Variants in CYP17A1 observed in about 807,000 individuals in gnomAD.
CYP17A1 encodes the protein steroid 17-alpha-hydroxylase/17,20 lyase.
In CYP17A1, 27 loss-of-function variants were observed where a neutral mutation model predicts 38.5. The observed-to-expected ratio is 0.70, with a 90% CI of 0.52 to 0.97. CYP17A1 has a LOEUF of 0.97. Among genes scored for constraint, CYP17A1 ranks in the 50% least tolerant of loss-of-function variants. The pLI, the probability that CYP17A1 is intolerant of heterozygous loss-of-function variation, is 0.00. For synonymous variants in CYP17A1, 263 were observed against 253.3 expected, an observed-to-expected ratio of 1.04 and a Z score of -0.36; for missense variants, 549 against 645.9, an observed-to-expected ratio of 0.85 and a Z score of 1.63.
intron 4 of CYP17A1, 43 bp from the exon 5 acceptor site, chr10:102,833,251 CCAT>C: frequency 5.0e-6 from 8 of 1,613,454 alleles, no homozygotes; most frequent in Non-Finnish European, 6.8e-6. Flanking sequence ...GGAAGGAGCC[CCAT>C]CTGTGACACT....
chr10:102,830,725 C>A lies in CYP17A1; in HGVS notation c.1504G>T (p.Ala502Ser). Residue 502 changes from alanine (A) to serine (S), a missense_variant, in exon 8 of 8, where the codon GCC (alanine) becomes TCC (serine). Ala to Ser is a moderately conservative substitution (Grantham distance 99). This residue lies in a region of CYP17A1 where 257 missense variants were observed against 307.9 expected (regional missense o/e 0.83). Coordinates refer to ENST00000369887, the MANE Select transcript of CYP17A1 (RefSeq NM_000102.4). The surrounding 1 kb of genome is among the most constrained non-coding windows in gnomAD (Gnocchi z 4.1). Reference protein sequence around the residue: ...KIKVRQAWREAQAEGST With the variant: ...KIKVRQAWRESQAEGST ...CTTTAGGTGCTACCCTCAGCCTGGG[C>A]TTCCCTCCAGGCCTGGCGCACCTTG... The A allele has an allele frequency of 6.3e-7, 1 of 1,598,502 alleles. No homozygotes were observed. The highest frequency in any genetic ancestry group is 8.6e-7 in the Non-Finnish European group (1 of 1,168,394).
At chr10:102,834,297 G>T (rs773169710) in intron 3 of CYP17A1, 175 bp from the exon 4 acceptor site, 3 of 635,850 alleles carry the variant, frequency 4.7e-6, no homozygotes, top group Non-Finnish European at 8.7e-6. Context: ...TTATCATGAC[G>T]ACGAAGACAA....
At chr10:102,834,613 A>C in intron 3 of CYP17A1, 172 bp downstream of exon 3, 1 of 834,804 alleles carries the variant, frequency 1.2e-6, no homozygotes, top group Non-Finnish European at 1.9e-6. Flanking sequence ...GGCTAAATCT[A>C]TCTCTGCAGA....
Position 102,835,331 on chromosome 10 carries a change from T to C in CYP17A1, c.359A>G (p.His120Arg). Residue 120 changes from histidine to arginine, a missense_variant, in exon 2 of 8, where the codon CAC becomes CGC. Transcript: ENST00000369887. The part of the protein sequence containing the change: ...KGIAFADSGA[H>R]WQLHRRLAMA... ...CGCCAGCCTTCGATGCAGCTGCCAG[T>C]GTGCGCCAGAGTCAGCGAAGGCGAT... is the stretch of plus-strand genomic sequence containing the variant. 2 of 1,611,450 alleles carry C rather than the reference T, an allele frequency of 1.2e-6. No individual in the cohort carries two copies. Among genetic ancestry groups the C allele is most frequent in the East Asian group, 2.2e-5 (1 of 44,870 alleles).
intron 1 of CYP17A1, chr10:102,836,694 G>C (rs900146387): frequency 3.9e-6 from 1 of 259,222 alleles, no homozygotes; most frequent in Non-Finnish European, 7.5e-6. Context: ...ATGAATCCTG[G>C]CTGTATAAGG....
At chr10:102,832,961 T>G in intron 5 of CYP17A1, 32 bp downstream of exon 5, 1 of 1,610,974 alleles carries the variant, frequency 6.2e-7, no homozygotes, top group Non-Finnish European at 8.5e-7. Context: ...TTGGGCTGGC[T>G]GGGGTCTAGG....
Position 102,835,346 on chromosome 10 carries a change from G to A in CYP17A1, c.344C>T (p.Ala115Val). 2 of 1,611,608 alleles carry A rather than the reference G, an allele frequency of 1.2e-6. No individual in the cohort carries two copies. The highest frequency in any genetic ancestry group is 8.5e-7 in the Non-Finnish European group (1 of 1,177,658). ...ASNNRKGIAF[A>V]DSGAHWQLHR... ...CAGCTGCCAGTGTGCGCCAGAGTCAGCGAAGGCGATACCCTTACGGTTGTT... is the reference window on the plus strand; with the variant it reads ...CAGCTGCCAGTGTGCGCCAGAGTCAACGAAGGCGATACCCTTACGGTTGTT... Residue 115 changes from alanine (A) to valine (V), a missense_variant, in exon 2 of 8, where the codon GCT becomes GTT. Coordinates refer to ENST00000369887, the MANE Select transcript of CYP17A1 (RefSeq NM_000102.4).
intron 1 of CYP17A1, among the ~76,000 whole-genome samples, chr10:102,835,763 C>T (rs192593419): frequency 1.3e-5 from 2 of 152,266 alleles, no homozygotes; most frequent in East Asian, 1.9e-4. Context: ...TATGCCTGTC[C>T]AGAGGGTAGG....
At position 102,834,328 on chromosome 10, in the gene CYP17A1, C is replaced by T. The variant is rs115669737; in HGVS notation, c.667-206G>A. On this transcript the variant is annotated intron_variant, in intron 3 of 7. Transcript: ENST00000369887. ...GACAATTCTAAACAAGGGAGGAGGG[C>T]GTGGTCTCCACCTCTCCTTCCCCAT... 1,103 of 595,886 alleles carry T rather than the reference C, an allele frequency of 1.9e-3. 12 individuals are homozygous for T. The highest frequency in any genetic ancestry group is 0.018 in the African/African-American group (986 of 53,682). The allele number at this position is 595,886 out of a possible 1,614,324, so 36.9% of individuals were successfully genotyped here.
At chr10:102,831,891 G>A (rs1316924584) in intron 6 of CYP17A1, among the ~76,000 whole-genome samples, 1 of 152,128 alleles carries the variant, frequency 6.6e-6, no homozygotes, top group East Asian at 1.9e-4. Context: ...CGCATGTTAT[G>A]TGCGTGCTGC....
intron 3 of CYP17A1, 78 bp from the exon 4 acceptor site, chr10:102,834,200 G>T: frequency 1.3e-6 from 1 of 772,768 alleles, no homozygotes; most frequent in South Asian, 1.4e-5. Context: ...TCCTGGAGGC[G>T]GATCTTAGCT....
At chr10:102,835,136 G>A in intron 2 of CYP17A1, 118 bp downstream of exon 2, 1 of 1,120,676 alleles carries the variant, frequency 8.9e-7, no homozygotes, top group Non-Finnish European at 1.3e-6. Flanking sequence ...GGCAGCAGTA[G>A]CCAAGAAAAG....
In CYP17A1 at chr10:102,834,102, C is replaced by T; in HGVS notation, c.687G>A (p.Leu229=). Residue 229 remains leucine (L), a synonymous_variant, in exon 4 of 8, where the codon CTG becomes CTA. Coordinates refer to ENST00000369887, the MANE Select transcript of CYP17A1 (RefSeq NM_000102.4). ...PWLKIFPNKT[L]EKLKSHVKIR... ...TTTTAACATGGCTCTTTAATTTTTC[C>T]AGGGTTTTGTTGGGGAAAATCTGGG... The T allele has an allele frequency of 7.6e-7, 1 of 1,318,988 alleles. No homozygotes were observed. Among genetic ancestry groups the T allele is most frequent in the Non-Finnish European group, 1.1e-6 (1 of 910,530 alleles). 81.7% of individuals were successfully genotyped at this position (1,318,988 alleles called of 1,614,324 possible). A position where few individuals can be genotyped will look rare whatever the true frequency, so the allele number is the denominator to read the frequency against.
rs529909202 is a variant in CYP17A1, at chr10:102,835,211, T to C, written c.436+43A>G. On this transcript the variant is annotated intron_variant, in intron 2 of 7. Transcript: ENST00000369887. ...ACCCTCCTCTCCCTCCAGCAGCTCC[T>C]GTGGGATCCAGCCCCAGCCCCAGGG... 3.8e-6 allele frequency: 6 copies of C among 1,571,560 alleles called. No homozygotes were observed. The African/African-American group carries it at 8.1e-5, about 21-fold the overall frequency.
Position 102,837,152 on chromosome 10 carries a change from G to C in CYP17A1, c.210C>G (p.Thr70=). The change falls in exon 1 of 8, where the codon ACC becomes ACG. Residue 70 remains threonine (T), a synonymous_variant. Coordinates refer to ENST00000369887, the MANE Select transcript of CYP17A1 (RefSeq NM_000102.4). ...YGPIYSVRMG[T]KTTVIVGHHQ... ...GGTGGCCGACAATCACTGTAGTCTT[G>C]GTGCCCATACGAACCGAATAGATGG... The C allele has an allele frequency of 1.3e-6, 2 of 1,594,032 alleles. No homozygotes were observed. The highest frequency in any genetic ancestry group is 1.7e-6 in the Non-Finnish European group (2 of 1,161,746).
chr10:102,832,865 T>A, intron 5 of CYP17A1, 128 bp downstream of exon 5: 2 of 1,527,154 alleles, frequency 1.3e-6, no homozygotes, highest in Non-Finnish European at 1.8e-6. Context: ...AGCCAACTAC[T>A]GCTTGGGTAA....
intron 1 of CYP17A1, 188 bp downstream of exon 1, chr10:102,836,877 T>C (rs561814251): frequency 1.6e-6 from 1 of 632,710 alleles, no homozygotes; most frequent in Admixed American, 2.4e-5. Flanking sequence ...ATTCCTTTAA[T>C]TCTTCCTGCC....
At position 102,832,532 on chromosome 10, in the gene CYP17A1, T is replaced by TG. The variant is rs770278140; in HGVS notation, c.1117dup (p.His373ProfsTer6). 6.2e-7 allele frequency: 1 copy of TG among 1,609,392 alleles called. No homozygotes were observed. Among genetic ancestry groups the TG allele is most frequent in the Non-Finnish European group, 8.5e-7 (1 of 1,176,466 alleles). On this transcript the variant is annotated frameshift_variant, in exon 6 of 8. Transcript: ENST00000369887. LOFTEE classifies it high-confidence loss of function. The stretch of plus-strand genomic sequence containing the variant: ...ACACCTGGAGTCAACGTTGGCCTTG[T>TG]GGGGGATGAGCATAGGGGCCACGGG...
chr10:102,832,840 C>T, intron 5 of CYP17A1, 153 bp downstream of exon 5: 1 of 1,470,970 alleles, frequency 6.8e-7, no homozygotes, highest in Non-Finnish European at 9.3e-7. Flanking sequence ...TGGGGCAGCT[C>T]TACTCTGGGG....
Sources: allele counts gnomAD v4.1 joint callset (sites outside exome capture counted in the v4.1 genomes callset), GRCh38; gene constraint gnomAD v4.1.1; regional missense constraint gnomAD v4.1.1; non-coding constraint Gnocchi (gnomAD v3.1); transcripts MANE v1.5; gene names NCBI Gene and HGNC (gene_info 2026-07-23, HGNC 2026-07-21).